Variants in CNTN6 observed in about 807,000 individuals in gnomAD.
The protein encoded by CNTN6 is contactin-6.
In CNTN6, 137 loss-of-function variants were observed where a neutral mutation model predicts 122.8. That is an observed-to-expected ratio of 1.12 (90% CI 0.97 to 1.29). The LOEUF (loss-of-function observed/expected upper bound fraction) is 1.29, where lower values mean the gene tolerates loss of function less well. CNTN6 is among the 50% of genes most tolerant of loss of function. The probability of loss-of-function intolerance (pLI) is 0.00; values close to 1 mark genes in which losing one functional copy is unlikely to be tolerated. For missense variants in CNTN6, 1,634 were observed against 1,223.4 expected (o/e 1.34, Z -5.01); for synonymous variants, 570 against 426.0 (o/e 1.34, Z -4.16).
At chr3:1,189,490 A>G (rs1026971734) in intron 2 of CNTN6, among the ~76,000 whole-genome samples, 3 of 152,202 alleles carry the variant, frequency 2.0e-5, no homozygotes, top group African/African-American at 7.2e-5. Context: ...AGTTTGTCCA[A>G]TTCCTTCCTG....
At chr3:1,324,285 G>T (rs115693105) in intron 8 of CNTN6, among the ~76,000 whole-genome samples, 4,816 of 148,418 alleles carry the variant, frequency 0.032, 186 homozygotes, top group South Asian at 0.058. Context: ...AAGGCAGGTT[G>T]TGCAGTAGAA....
chr3:1,285,118 C>T (rs914385038), intron 5 of CNTN6, among the ~76,000 whole-genome samples: 15 of 152,238 alleles, frequency 9.9e-5, no homozygotes, highest in African/African-American at 3.4e-4. Flanking sequence ...TGTGTTAATT[C>T]AGGTGAGAGA....
intron 4 of CNTN6, among the ~76,000 whole-genome samples, chr3:1,277,977 C>G (rs544530372): frequency 2.0e-5 from 3 of 152,342 alleles, no homozygotes; most frequent in African/African-American, 7.2e-5. Context: ...AACTCTTTCC[C>G]TCACACCATT....
chr3:1,371,008 A>G (rs536650549), intron 12 of CNTN6, among the ~76,000 whole-genome samples: 6 of 152,204 alleles, frequency 3.9e-5, no homozygotes, highest in East Asian at 3.9e-4. Context: ...TTATTTTTTC[A>G]TGGCTCTTTT....
In CNTN6 at chr3:1,301,024, C is replaced by CTTTTT. The variant is rs562912841; in HGVS notation, c.761+3059_761+3063dup. 7.3e-3 allele frequency among the ~76,000 whole-genome samples: 685 copies of CTTTTT among 93,244 alleles called. 61 individuals carry two copies. Among genetic ancestry groups the CTTTTT allele is most frequent in the Non-Finnish European group, 0.011 (569 of 49,782 alleles). The allele number at this position is 93,244 out of a possible 152,430, so 61.2% of individuals were successfully genotyped here. A position where few individuals can be genotyped will look rare whatever the true frequency, so the allele number is the denominator to read the frequency against. On this transcript the variant is annotated intron_variant, in intron 7 of 22. Coordinates refer to ENST00000446702, the MANE Select transcript of CNTN6 (RefSeq NM_001289080.2). The stretch of plus-strand genomic sequence containing the variant: ...AATTTATAATACAGGAGTCCCTAAA[C>CTTTTT]TTTTTTTTTTTTTTTTTTTTTTTTT...
At chr3:1,258,949 T>A (rs1044379170) in intron 4 of CNTN6, among the ~76,000 whole-genome samples, 2 of 152,118 alleles carry the variant, frequency 1.3e-5, no homozygotes, top group African/African-American at 2.4e-5. Flanking sequence ...ATGTTTGATT[T>A]TCCGGCCAAT....
intron 20 of CNTN6, among the ~76,000 whole-genome samples, chr3:1,398,792 T>G: frequency 6.6e-6 from 1 of 152,116 alleles, no homozygotes; most frequent in East Asian, 1.9e-4. Flanking sequence ...AGCCCAACTC[T>G]TCTCATCTCC....
At chr3:1,199,266 CCACCTCAGGTCCAGGTGATTCTCT>C (rs2093825611) in intron 2 of CNTN6, among the ~76,000 whole-genome samples, 1 of 151,156 alleles carries the variant, frequency 6.6e-6, no homozygotes, top group Non-Finnish European at 1.5e-5. Context: ...GCTGCCTCAG[CCACCTCAGGTCCAGGTGATTCTCT>C]CACCTCAGCC....
chr3:1,241,921 G>A (rs1575380128), intron 4 of CNTN6, among the ~76,000 whole-genome samples: 1 of 152,232 alleles, frequency 6.6e-6, no homozygotes, highest in Non-Finnish European at 1.5e-5. Flanking sequence ...GGCTAAAACA[G>A]TAAGGTCAAG....
At chr3:1,327,332 A>T (rs749205020) in intron 9 of CNTN6, 125 bp from the exon 10 acceptor site, 3 of 994,278 alleles carry the variant, frequency 3.0e-6, no homozygotes, top group Admixed American at 5.8e-5. Context: ...AGAATCTAGT[A>T]GTGTATTAAT....
intron 2 of CNTN6, among the ~76,000 whole-genome samples, chr3:1,153,194 T>C (rs1470766803): frequency 6.6e-6 from 1 of 152,192 alleles, no homozygotes; most frequent in African/African-American, 2.4e-5. Flanking sequence ...TTATTCAGTA[T>C]GAGACTTGGT....
intron 1 of CNTN6, among the ~76,000 whole-genome samples, chr3:1,117,182 A>C (rs1452622119): frequency 6.6e-6 from 1 of 152,190 alleles, no homozygotes; most frequent in East Asian, 1.9e-4. Context: ...TGGCTTCTTA[A>C]ACACACGTGT....
At chr3:1,161,392 A>G (rs1276430307) in intron 2 of CNTN6, among the ~76,000 whole-genome samples, 1 of 151,106 alleles carries the variant, frequency 6.6e-6, no homozygotes, top group Non-Finnish European at 1.5e-5. Context: ...AATATTCAAT[A>G]AAACTTAGCA....
chr3:1,094,617 A>G (rs2090423635), intron 1 of CNTN6, among the ~76,000 whole-genome samples: 1 of 152,212 alleles, frequency 6.6e-6, no homozygotes, highest in East Asian at 1.9e-4. Context: ...TAGAATTTTT[A>G]TGTAGCTTTC....
chr3:1,170,130 A>G (rs4568114), intron 2 of CNTN6, among the ~76,000 whole-genome samples: 90,520 of 149,556 alleles, frequency 0.61, 28,150 homozygotes, highest in East Asian at 0.79. Context: ...CCAGCTACCT[A>G]GGAGGCTGAG....
At chr3:1,216,778 A>C (rs73002310) in intron 2 of CNTN6, among the ~76,000 whole-genome samples, 10,700 of 152,274 alleles carry the variant, frequency 0.07, 457 homozygotes, top group Non-Finnish European at 0.1. Context: ...AAAAGAACTT[A>C]TTTTACCCAA....
At chr3:1,241,219 TG>T (rs1439994390) in intron 4 of CNTN6, among the ~76,000 whole-genome samples, 2 of 152,116 alleles carry the variant, frequency 1.3e-5, no homozygotes, top group African/African-American at 4.8e-5. Context: ...TGGCCTGGCC[TG>T]GGCTCAGAGG....
At chr3:1,378,061 C>G (rs1251803833) in intron 17 of CNTN6, among the ~76,000 whole-genome samples, 2 of 152,070 alleles carry the variant, frequency 1.3e-5, no homozygotes, top group East Asian at 3.9e-4. Flanking sequence ...TGGTCCATTT[C>G]CAGACTCTTC....
intron 7 of CNTN6, among the ~76,000 whole-genome samples, chr3:1,316,561 T>A (rs1700124724): frequency 6.6e-6 from 1 of 151,786 alleles, no homozygotes; most frequent in South Asian, 2.1e-4. Context: ...CCACCTTCAA[T>A]ACTGGGGATT....
Sources: allele counts gnomAD v4.1 joint callset (sites outside exome capture counted in the v4.1 genomes callset), GRCh38; gene constraint gnomAD v4.1.1; transcripts MANE v1.5; gene names NCBI Gene and HGNC (gene_info 2026-07-23, HGNC 2026-07-21).